KHDRBS2: variants seen among roughly 807,000 people sequenced by gnomAD.
KHDRBS2 encodes the protein KH domain-containing, RNA-binding, signal transduction-associated protein 2.
A neutral mutation model predicts 44.3 loss-of-function variants in KHDRBS2; 26 were observed. That is an observed-to-expected ratio of 0.59 (90% CI 0.43 to 0.81). The LOEUF (loss-of-function observed/expected upper bound fraction) is 0.81, where lower values mean the gene tolerates loss of function less well. Ranked by LOEUF, KHDRBS2 falls within the 40% of genes least tolerant of loss-of-function variation. The probability of loss-of-function intolerance (pLI) is 0.00; values close to 1 mark genes in which losing one functional copy is unlikely to be tolerated. For synonymous variants in KHDRBS2, 194 were observed against 151.1 expected (o/e 1.28, Z -2.08); for missense variants, 476 against 433.1 (o/e 1.10, Z -0.88).
intron 7 of KHDRBS2, among the ~76,000 whole-genome samples, chr6:61,708,548 T>G (rs1208394447): frequency 1.3e-5 from 2 of 151,598 alleles, no homozygotes; most frequent in African/African-American, 4.8e-5. Context: ...TTTTTGAAAT[T>G]TTATTACTGT....
At chr6:61,544,925 T>A in the KHDRBS2 span, among the ~76,000 whole-genome samples, 1 of 151,902 alleles carries the variant, frequency 6.6e-6, no homozygotes, top group Non-Finnish European at 1.5e-5. Flanking sequence ...CACTGGGGCC[T>A]GTTGTGAGGT....
intron 2 of KHDRBS2, among the ~76,000 whole-genome samples, chr6:62,078,958 A>G (rs2127352820): frequency 6.6e-6 from 1 of 152,156 alleles, no homozygotes; most frequent in East Asian, 1.9e-4. Context: ...TATTTTTATC[A>G]TAATACCTAA....
intron 1 of KHDRBS2, among the ~76,000 whole-genome samples, chr6:62,259,593 T>C (rs1036116414): frequency 6.6e-6 from 1 of 151,934 alleles, no homozygotes; most frequent in Non-Finnish European, 1.5e-5. Context: ...AGGAGAATGG[T>C]TTAGATTCAC....
At chr6:62,018,114 A>C (rs766341882) in intron 3 of KHDRBS2, among the ~76,000 whole-genome samples, 4 of 151,124 alleles carry the variant, frequency 2.6e-5, no homozygotes, top group Non-Finnish European at 4.4e-5. Flanking sequence ...CTTAACATAC[A>C]TATTACCGTT....
At position 62,100,988 on chromosome 6, in the gene KHDRBS2, A is replaced by G. The variant is rs112546875; in HGVS notation, c.220-52994T>C. On this transcript the variant is annotated intron_variant, in intron 2 of 8. Coordinates refer to ENST00000281156, the MANE Select transcript of KHDRBS2 (RefSeq NM_152688.4). ...ATTCAACACTCAGAGCAGTCCTCCAATAGTTTTACAGGCAGAAAATCTATC... is the reference window on the plus strand; with the variant it reads ...ATTCAACACTCAGAGCAGTCCTCCAGTAGTTTTACAGGCAGAAAATCTATC... 5.3e-5 allele frequency among the ~76,000 whole-genome samples: 8 copies of G among 152,328 alleles called. 1 individual carries two copies. Among genetic ancestry groups the G allele is most frequent in the Admixed American group, 3.3e-4 (5 of 15,296 alleles).
At chr6:62,080,115 A>G (rs1262937075) in intron 2 of KHDRBS2, among the ~76,000 whole-genome samples, 1 of 152,120 alleles carries the variant, frequency 6.6e-6, no homozygotes, top group Non-Finnish European at 1.5e-5. Flanking sequence ...CTCTATAAAT[A>G]GATTCTCAAT....
intron 2 of KHDRBS2, among the ~76,000 whole-genome samples, chr6:62,089,381 C>A (rs1799066249): frequency 2.0e-5 from 3 of 152,062 alleles, no homozygotes; most frequent in African/African-American, 7.2e-5. Flanking sequence ...GAGGGAATCT[C>A]CTGGTCTGTG....
At chr6:61,852,773 TTAAA>T (rs1175916860) in intron 6 of KHDRBS2, among the ~76,000 whole-genome samples, 3 of 152,182 alleles carry the variant, frequency 2.0e-5, no homozygotes, top group Non-Finnish European at 4.4e-5. Context: ...TCCACTTTTC[TTAAA>T]TAATTTATTA....
At chr6:61,770,580 G>T (rs1582724090) in intron 6 of KHDRBS2, among the ~76,000 whole-genome samples, 2 of 152,160 alleles carry the variant, frequency 1.3e-5, no homozygotes, top group African/African-American at 2.4e-5. Flanking sequence ...GGAAGAAAGG[G>T]TATCAGTGAT....
At chr6:62,247,177 C>G (rs1835719653) in intron 1 of KHDRBS2, among the ~76,000 whole-genome samples, 1 of 151,986 alleles carries the variant, frequency 6.6e-6, no homozygotes. Flanking sequence ...AGGGCCACAA[C>G]TCTAGTATAA....
At chr6:61,590,093 T>C in the KHDRBS2 span, among the ~76,000 whole-genome samples, 1 of 152,188 alleles carries the variant, frequency 6.6e-6, no homozygotes, top group Non-Finnish European at 1.5e-5. Flanking sequence ...GGAAGCTCAA[T>C]AGTTTAGCCT....
chr6:61,574,453 A>G, the KHDRBS2 span: 4 of 1,297,974 alleles, frequency 3.1e-6, no homozygotes, highest in South Asian at 1.4e-5. Flanking sequence ...AATGCAAACA[A>G]CACCCAATAA....
intron 3 of KHDRBS2, among the ~76,000 whole-genome samples, chr6:61,979,831 G>A (rs2127404323): frequency 6.6e-6 from 1 of 151,972 alleles, no homozygotes; most frequent in South Asian, 2.1e-4. Flanking sequence ...TTTATTCTGG[G>A]GCCAGCTGGT....
rs574811398 is a variant in KHDRBS2, at chr6:61,932,963, T to A, written c.484-31592A>T. On this transcript the variant is annotated intron_variant, in intron 4 of 8. Coordinates refer to ENST00000281156, the MANE Select transcript of KHDRBS2 (RefSeq NM_152688.4). ...CATTGTGTATATAGATCACATTTTT[T>A]AACCCATTCATCTATTGATAGACAC... is the stretch of plus-strand genomic sequence containing the variant. Among the ~76,000 whole-genome samples, 12 of 152,328 alleles carry A rather than the reference T, an allele frequency of 7.9e-5. No homozygotes were observed. The East Asian group carries it at 2.1e-3, about 27-fold the overall frequency.
At chr6:61,754,014 G>T (rs1337805359) in intron 6 of KHDRBS2, among the ~76,000 whole-genome samples, 1 of 152,048 alleles carries the variant, frequency 6.6e-6, no homozygotes, top group Non-Finnish European at 1.5e-5. Context: ...GAAGAAACAA[G>T]GAAGGATTCT....
intron 3 of KHDRBS2, among the ~76,000 whole-genome samples, chr6:61,983,236 CTT>C (rs1173961055): frequency 8.1e-4 from 96 of 118,500 alleles, no homozygotes; most frequent in Middle Eastern, 4.3e-3. Flanking sequence ...TTCTTTCTTT[CTT>C]TTTTTTTTTT....
In KHDRBS2 at chr6:61,901,268, C is replaced by A; in HGVS notation, c.587G>T (p.Arg196Ile). 3 of 1,613,474 alleles carry A rather than the reference C, an allele frequency of 1.9e-6. No homozygotes were observed. The highest frequency in any genetic ancestry group is 2.5e-6 in the Non-Finnish European group (3 of 1,179,652). Reference sequence around the variant, plus strand: ...CCTTGAAGGAGCTGTGGGAGCTATTCTGATCCCTCTGCCTCTAATACCTCT... The same window carrying A: ...CCTTGAAGGAGCTGTGGGAGCTATTATGATCCCTCTGCCTCTAATACCTCT... ...RGRGIRGRGIRIAPTAPSRGR... is the reference protein window; with the variant it reads ...RGRGIRGRGIIIAPTAPSRGR... The change falls in exon 5 of 9, where the codon AGA (arginine) becomes ATA (isoleucine). Residue 196 changes from arginine to isoleucine, a missense_variant. Physicochemically the swap from Arg to Ile is moderately conservative, Grantham distance 97. Coordinates refer to ENST00000281156, the MANE Select transcript of KHDRBS2 (RefSeq NM_152688.4).
chr6:62,265,921 T>C (rs997455612), intron 1 of KHDRBS2, among the ~76,000 whole-genome samples: 5 of 152,102 alleles, frequency 3.3e-5, no homozygotes, highest in African/African-American at 1.2e-4. Context: ...TGATTTGTAA[T>C]ATGGCAGGCT....
At chr6:61,645,353 A>T in the KHDRBS2 span, among the ~76,000 whole-genome samples, 1 of 152,036 alleles carries the variant, frequency 6.6e-6, no homozygotes, top group Non-Finnish European at 1.5e-5. Context: ...CAGAAAACTA[A>T]CTATTGGGTA....
Sources: gnomAD v4.1 joint callset for allele counts (sites outside exome capture counted in the v4.1 genomes callset) on GRCh38, gnomAD v4.1.1 for gene constraint, MANE v1.5 for transcripts, NCBI Gene and HGNC (gene_info 2026-07-23, HGNC 2026-07-21) for gene names.